Variants in BAZ2B observed in about 807,000 individuals in gnomAD.
BAZ2B encodes bromodomain adjacent to zinc finger domain protein 2B.
Under a neutral mutation model 246.0 loss-of-function variants are expected in BAZ2B, and 91 were observed. The ratio of observed to expected loss-of-function variants is 0.37; its 90% CI spans 0.31 to 0.44. The LOEUF is 0.44. Among genes scored for constraint, BAZ2B ranks in the 20% least tolerant of loss-of-function variants. The pLI is 1.00. For synonymous variants in BAZ2B, 855 were observed against 860.0 expected (o/e 0.99, Z 0.10); for missense variants, 2,332 against 2,533.7 (o/e 0.92, Z 1.71).
chr2:159,316,206 TA>T (rs1305172555), downstream of BAZ2B, among the ~76,000 whole-genome samples: 1 of 152,078 alleles, frequency 6.6e-6, no homozygotes, highest in Non-Finnish European at 1.5e-5. Flanking sequence ...AAGAATAATG[TA>T]AAGAGTGTGC....
intron 14 of BAZ2B, among the ~76,000 whole-genome samples, chr2:159,407,809 T>G (rs2066195881): frequency 6.6e-6 from 1 of 152,176 alleles, no homozygotes; most frequent in Non-Finnish European, 1.5e-5. Flanking sequence ...AAAAAAGATG[T>G]CCTGTTCACT....
intron 2 of BAZ2B, among the ~76,000 whole-genome samples, chr2:159,488,264 G>C (rs950768102): frequency 1.3e-5 from 2 of 152,052 alleles, no homozygotes; most frequent in Non-Finnish European, 2.9e-5. Context: ...ATAGACACAG[G>C]ATTTCACCAT....
chr2:159,489,806 G>C (rs972644636), intron 2 of BAZ2B, among the ~76,000 whole-genome samples: 1 of 152,134 alleles, frequency 6.6e-6, no homozygotes, highest in Non-Finnish European at 1.5e-5. Context: ...CTAGCTATTT[G>C]GGAGGCTGAG....
intron 2 of BAZ2B, among the ~76,000 whole-genome samples, chr2:159,507,985 C>A (rs572687731): frequency 3.3e-5 from 5 of 152,260 alleles, no homozygotes; most frequent in African/African-American, 1.2e-4. Context: ...ATTCTTGTGC[C>A]TCAGTTTCCC....
intron 31 of BAZ2B, among the ~76,000 whole-genome samples, chr2:159,345,683 A>G (rs1250532674): frequency 6.6e-6 from 1 of 152,214 alleles, no homozygotes; most frequent in Admixed American, 6.5e-5. Context: ...TTGGCAAATG[A>G]GTTGGGAAAA....
intron 36 of BAZ2B, chr2:159,321,915 A>G (rs771503907): frequency 1.3e-5 from 2 of 152,244 alleles, no homozygotes; most frequent in Non-Finnish European, 2.9e-5. Flanking sequence ...ATTATCTGTA[A>G]CACAAAGGAT....
chr2:159,491,547 C>T (rs1403626782), intron 2 of BAZ2B, among the ~76,000 whole-genome samples: 1 of 149,490 alleles, frequency 6.7e-6, no homozygotes, highest in African/African-American at 2.5e-5. Flanking sequence ...GGTGAAACCC[C>T]GTCTCTACTA....
the BAZ2B span, among the ~76,000 whole-genome samples, chr2:159,649,313 T>C: frequency 2.6e-3 from 400 of 152,124 alleles, 2 homozygotes; most frequent in African/African-American, 9.1e-3. Flanking sequence ...TGGGAGACAC[T>C]GACAGATCAT....
the BAZ2B span, among the ~76,000 whole-genome samples, chr2:159,682,904 A>T: frequency 1.0e-5 from 1 of 95,344 alleles, no homozygotes. Context: ...ATAAACTGCC[A>T]CCCCTCCCCC....
At chr2:159,435,834 GT>G (rs2072179020) in intron 8 of BAZ2B, among the ~76,000 whole-genome samples, 2 of 152,182 alleles carry the variant, frequency 1.3e-5, no homozygotes, top group Admixed American at 1.3e-4. Context: ...CTAACAAGCA[GT>G]AAGCAATGTA....
chr2:159,583,928 T>C (rs1382721317), intron 1 of BAZ2B, among the ~76,000 whole-genome samples: 1 of 152,134 alleles, frequency 6.6e-6, no homozygotes, highest in Non-Finnish European at 1.5e-5. Flanking sequence ...AGAATGTGTC[T>C]GATAAGTATA....
At chr2:159,639,968 C>T in the BAZ2B span, among the ~76,000 whole-genome samples, 2 of 151,878 alleles carry the variant, frequency 1.3e-5, no homozygotes, top group Admixed American at 6.6e-5. Context: ...ACACACTTCA[C>T]CCATAAAGAT....
rs956981186 is a variant in BAZ2B at position 159,319,532 on chromosome 2, AATAC to A, written c.*729_*732del. The A allele has an allele frequency of 7.9e-5, 12 of 152,648 alleles. No homozygotes were observed. Among genetic ancestry groups the A allele is most frequent in the African/African-American group, 2.7e-4 (11 of 41,454 alleles). The allele number at this position is 152,648 out of a possible 1,614,324, so 9.5% of individuals were successfully genotyped here. ...ATGTCTGCAAACAATATATACACATAATACATATTTAAAACAAGACTTAATATAA... is the reference window on the plus strand; with the variant it reads ...ATGTCTGCAAACAATATATACACATAATATTTAAAACAAGACTTAATATAA... On this transcript the variant is annotated 3_prime_UTR_variant, in exon 37 of 37. Transcript: ENST00000392783. This position sits in a 1 kb window ranked among gnomAD's most constrained non-coding sequence, Gnocchi z 4.0.
Position 159,370,608 on chromosome 2 carries a change from G to A in BAZ2B, c.4213+2437C>T, listed in dbSNP as rs188042248. ...AGGATGGTCTTGATCTCCTGACCTCGTGATCCGCCCGTCTCCGCCTCCCAA... is the reference window on the plus strand; with the variant it reads ...AGGATGGTCTTGATCTCCTGACCTCATGATCCGCCCGTCTCCGCCTCCCAA... On this transcript the variant is annotated intron_variant, in intron 27 of 36. Coordinates refer to ENST00000392783, the MANE Select transcript of BAZ2B (RefSeq NM_013450.4). Among the ~76,000 whole-genome samples, 249 of 152,020 alleles carry A rather than the reference G, an allele frequency of 1.6e-3. 5 individuals carry two copies. The highest frequency in any genetic ancestry group is 0.014 in the Admixed American group (216 of 15,260).
chr2:159,665,796 C>G, the BAZ2B span, among the ~76,000 whole-genome samples: 1 of 152,240 alleles, frequency 6.6e-6, no homozygotes, highest in East Asian at 1.9e-4. Flanking sequence ...GCGTGTCAAA[C>G]CATTTTCTAA....
intron 1 of BAZ2B, among the ~76,000 whole-genome samples, chr2:159,612,706 G>C (rs1220789914): frequency 6.6e-6 from 1 of 152,132 alleles, no homozygotes; most frequent in Non-Finnish European, 1.5e-5. Context: ...GGGAATGACT[G>C]TTCTGTTTCA....
the BAZ2B span, among the ~76,000 whole-genome samples, chr2:159,679,044 G>A: frequency 2.6e-5 from 4 of 152,044 alleles, no homozygotes; most frequent in Non-Finnish European, 2.9e-5. Flanking sequence ...AGGCCGAGGC[G>A]GGCGGATCAC....
At chr2:159,377,733 A>C (rs2061552917) in intron 25 of BAZ2B, among the ~76,000 whole-genome samples, 1 of 149,986 alleles carries the variant, frequency 6.7e-6, no homozygotes, top group South Asian at 2.1e-4. Context: ...GAATCGCTTG[A>C]ACCAGGAGGC....
intron 1 of BAZ2B, among the ~76,000 whole-genome samples, chr2:159,558,347 C>T (rs968658204): frequency 1.3e-5 from 2 of 152,268 alleles, no homozygotes; most frequent in Admixed American, 6.5e-5. Flanking sequence ...ACCTCCACCT[C>T]CCAGGTTCAA....
Sources: gnomAD v4.1 joint callset for allele counts (sites outside exome capture counted in the v4.1 genomes callset) on GRCh38, gnomAD v4.1.1 for gene constraint, Gnocchi (gnomAD v3.1) non-coding constraint, MANE v1.5 for transcripts, NCBI Gene and HGNC (gene_info 2026-07-23, HGNC 2026-07-21) for gene names.